PDE1C: variants seen among roughly 807,000 people sequenced by gnomAD.
The protein encoded by PDE1C is phosphodiesterase 1C.
A neutral mutation model predicts 93.1 loss-of-function variants in PDE1C; 62 were observed. The observed-to-expected ratio is 0.67, with a 90% CI of 0.54 to 0.82. The LOEUF (loss-of-function observed/expected upper bound fraction) is 0.82, where lower values mean the gene tolerates loss of function less well. Ranked by LOEUF, PDE1C falls within the 40% of genes least tolerant of loss-of-function variation. PDE1C has a pLI of 0.00. For missense variants in PDE1C, 742 were observed against 884.6 expected (o/e 0.84, Z 2.04); for synonymous variants, 325 against 310.1 (o/e 1.05, Z -0.50).
chr7:31,997,587 A>C (rs562584926), intron 2 of PDE1C, among the ~76,000 whole-genome samples: 1 of 152,202 alleles, frequency 6.6e-6, no homozygotes, highest in Non-Finnish European at 1.5e-5. Flanking sequence ...CAACACAATG[A>C]GGGAGTTGCT....
the PDE1C span, among the ~76,000 whole-genome samples, chr7:31,665,678 A>C: frequency 6.6e-6 from 1 of 152,186 alleles, no homozygotes; most frequent in Non-Finnish European, 1.5e-5. Context: ...CTCCTGTTGC[A>C]AACTGGACTT....
At chr7:32,009,018 G>A (rs573398360) in intron 2 of PDE1C, among the ~76,000 whole-genome samples, 2 of 152,212 alleles carry the variant, frequency 1.3e-5, no homozygotes, top group East Asian at 3.9e-4. Flanking sequence ...AAGATTATGG[G>A]GGAAAATATG....
chr7:31,837,463 A>T (rs556566931), intron 10 of PDE1C, among the ~76,000 whole-genome samples, 163 bp from the exon 11 acceptor site: 137 of 152,212 alleles, frequency 9.0e-4, no homozygotes, highest in Non-Finnish European at 1.6e-3. Flanking sequence ...CAACTGGGAT[A>T]CTCATTAACT....
At chr7:32,332,856 T>C (rs1783542027) in intron 1 of PDE1C, among the ~76,000 whole-genome samples, 1 of 152,096 alleles carries the variant, frequency 6.6e-6, no homozygotes, top group Admixed American at 6.5e-5. Context: ...ATGATAAAAG[T>C]CAGGAGAGTT....
chr7:31,932,879 G>A (rs1584048197), intron 2 of PDE1C, among the ~76,000 whole-genome samples: 1 of 152,178 alleles, frequency 6.6e-6, no homozygotes, highest in Non-Finnish European at 1.5e-5. Flanking sequence ...GGAATACTAT[G>A]CAGCCATAAA....
the PDE1C span, chr7:31,642,816 C>T: frequency 1.2e-6 from 2 of 1,613,702 alleles, no homozygotes; most frequent in Non-Finnish European, 1.7e-6. Flanking sequence ...GTAGGGCGAG[C>T]ATGTCTTTTT....
intron 1 of PDE1C, among the ~76,000 whole-genome samples, chr7:32,056,987 C>A (rs1031553900): frequency 6.6e-6 from 1 of 152,188 alleles, no homozygotes; most frequent in African/African-American, 2.4e-5. Context: ...CTGCCACCCA[C>A]CCCAGCAATG....
chr7:32,198,357 A>T (rs760004799), intron 2 of PDE1C, among the ~76,000 whole-genome samples: 3 of 152,230 alleles, frequency 2.0e-5, no homozygotes, highest in Non-Finnish European at 4.4e-5. Flanking sequence ...TGATAGATAC[A>T]TCAGTTATGA....
intron 2 of PDE1C, among the ~76,000 whole-genome samples, chr7:32,174,460 C>G (rs993011460): frequency 2.0e-5 from 3 of 152,078 alleles, no homozygotes; most frequent in Admixed American, 1.3e-4. Context: ...GGGAAAACCA[C>G]AGAGAGAACA....
the PDE1C span, among the ~76,000 whole-genome samples, chr7:31,731,167 G>A: frequency 2.0e-5 from 3 of 151,988 alleles, no homozygotes; most frequent in African/African-American, 4.8e-5. Context: ...AGCTGGAGGT[G>A]GGGGTGGTAT....
At position 31,762,085 on chromosome 7, in the gene PDE1C, C is replaced by T. The variant is rs147322681; in HGVS notation, c.1961-8532G>A. Among the ~76,000 whole-genome samples the T allele has an allele frequency of 9.7e-4, 148 of 152,216 alleles. 1 individual carries two copies. The highest frequency in any genetic ancestry group is 3.3e-3 in the African/African-American group (137 of 41,528). On this transcript the variant is annotated intron_variant, in intron 17 of 17. Coordinates refer to ENST00000396191, the MANE Select transcript of PDE1C (RefSeq NM_001191057.4). ...AACTATCTAGAAGATTTGCAAGTGC[C>T]GGGAAAATTTAGTAGCAGCATGCTT... is the stretch of plus-strand genomic sequence containing the variant.
chr7:31,964,276 A>T (rs965942219), intron 2 of PDE1C, among the ~76,000 whole-genome samples: 1 of 152,198 alleles, frequency 6.6e-6, no homozygotes, highest in African/African-American at 2.4e-5. Flanking sequence ...CGCTTTTCCA[A>T]TGGGCTTAAC....
chr7:32,158,551 T>C (rs1456869316), intron 3 of PDE1C, among the ~76,000 whole-genome samples: 1 of 152,182 alleles, frequency 6.6e-6, no homozygotes. Context: ...TCCAACCATG[T>C]GGGAAAGCAT....
chr7:32,027,927 C>A (rs1256652850), intron 2 of PDE1C, among the ~76,000 whole-genome samples: 1 of 151,974 alleles, frequency 6.6e-6, no homozygotes, highest in African/African-American at 2.4e-5. Flanking sequence ...GGCAAGTCTT[C>A]TTGGGATTCA....
chr7:31,750,898 T>C (rs1794112108), downstream of PDE1C, among the ~76,000 whole-genome samples: 1 of 152,192 alleles, frequency 6.6e-6, no homozygotes, highest in East Asian at 1.9e-4. Context: ...ACTAGCAAGA[T>C]AGCTTGGTCT....
At chr7:32,110,633 A>G (rs947472712) in intron 3 of PDE1C, among the ~76,000 whole-genome samples, 21 of 152,164 alleles carry the variant, frequency 1.4e-4, no homozygotes, top group Non-Finnish European at 2.6e-4. Flanking sequence ...AGCCACAGAG[A>G]TGGGTGGTGT....
At chr7:32,361,544 C>T (rs1463861956) in intron 1 of PDE1C, among the ~76,000 whole-genome samples, 1 of 152,182 alleles carries the variant, frequency 6.6e-6, no homozygotes, top group Non-Finnish European at 1.5e-5. Flanking sequence ...GCCCCTGACC[C>T]TCGCACATGC....
chr7:32,087,203 G>C (rs7806222), intron 3 of PDE1C, among the ~76,000 whole-genome samples: 87,135 of 142,270 alleles, frequency 0.61, 27,360 homozygotes, highest in African/African-American at 0.7. Context: ...TATGAATAGA[G>C]ACTTCTCAAA....
intron 1 of PDE1C, among the ~76,000 whole-genome samples, chr7:32,409,093 C>T (rs2128097394): frequency 1.3e-5 from 2 of 152,228 alleles, no homozygotes; most frequent in South Asian, 4.1e-4. Context: ...AAAGGCCAGG[C>T]ATAGTGGCTC....
Sources: allele counts gnomAD v4.1 joint callset (sites outside exome capture counted in the v4.1 genomes callset), GRCh38; gene constraint gnomAD v4.1.1; transcripts MANE v1.5; gene names NCBI Gene and HGNC (gene_info 2026-07-23, HGNC 2026-07-21).